The following UGT1A4 variants were observed in gnomAD, a reference collection of about 807,000 sequenced individuals.
UGT1A4 encodes the protein UDP glucuronosyltransferase family 1 member A4, also known as UDP-glucuronosyltransferase 1A4.
Under a neutral mutation model 41.1 loss-of-function variants are expected in UGT1A4, and 32 were observed. The ratio of observed to expected loss-of-function variants is 0.78; its 90% CI spans 0.59 to 1.05. UGT1A4 has a LOEUF of 1.05. UGT1A4 is among the 50% of genes least tolerant of loss of function. The pLI is 0.00. For missense variants in UGT1A4, 748 were observed against 677.4 expected (o/e 1.10, Z -1.16); for synonymous variants, 283 against 265.1 (o/e 1.07, Z -0.66).
Position 233,769,407 on chromosome 2 carries a change from G to C in UGT1A4, c.1307+968G>C. The C allele has an allele frequency of 7.8e-7, 1 of 1,286,632 alleles. No individual in the cohort carries two copies. The highest frequency in any genetic ancestry group is 1.1e-6 in the Non-Finnish European group (1 of 907,224). The allele number at this position is 1,286,632 out of a possible 1,614,324, so 79.7% of individuals were successfully genotyped here. ...ATAGATACTGTGTGCATATGTGCGT[G>C]TGCGTTTGTGCATGTGGCTGTGCTC... On this transcript the variant is annotated intron_variant, in intron 4 of 4. Transcript: ENST00000373409. The surrounding 1 kb of genome is among the most constrained non-coding windows in gnomAD (Gnocchi z 4.4).
At chr2:233,767,659 C>G (rs975874168) in intron 2 of UGT1A4, among the ~76,000 whole-genome samples, 190 bp from the exon 3 acceptor site, 4 of 152,186 alleles carry the variant, frequency 2.6e-5, no homozygotes, top group African/African-American at 9.7e-5. Context: ...TGCATACACC[C>G]TTGTAACTAA....
intron 1 of UGT1A4, among the ~76,000 whole-genome samples, chr2:233,754,123 T>C (rs1464588119): frequency 2.6e-5 from 4 of 152,360 alleles, no homozygotes; most frequent in Admixed American, 2.6e-4. Flanking sequence ...CGAGCATTTA[T>C]GTGCAATTAA....
At chr2:233,729,252 CA>C (rs761976281) in intron 1 of UGT1A4, 199 of 1,614,124 alleles carry the variant, frequency 1.2e-4, no homozygotes, top group Non-Finnish European at 1.6e-4. Context: ...GCCACTGGCT[CA>C]GCATGCGGGA....
intron 1 of UGT1A4, chr2:233,761,197 G>A (rs369591851): frequency 3.7e-6 from 6 of 1,613,996 alleles, no homozygotes; most frequent in Non-Finnish European, 5.1e-6. Flanking sequence ...TCTTTCAGAT[G>A]TATTACTTTG....
rs1312767733 is a variant in UGT1A4, at chr2:233,718,748, A to C, written c.-73A>C. 2.5e-6 allele frequency: 4 copies of C among 1,612,148 alleles called. No homozygotes were observed. In the African/African-American group the frequency reaches 5.3e-5, roughly 22 times the overall value. ...TGCTAGGTGGCTCAATGACAAGGTA[A>C]TTAAGGCGAAGGAAACAAATGTAGC... is the stretch of plus-strand genomic sequence containing the variant. On this transcript the variant is annotated 5_prime_UTR_variant, in exon 1 of 5. The change abolishes the stop of an existing upstream ORF in the 5' untranslated region. Coordinates refer to ENST00000373409, the MANE Select transcript of UGT1A4 (RefSeq NM_007120.3).
Position 233,748,090 on chromosome 2 carries a change from G to A in UGT1A4, c.868-18944G>A, listed in dbSNP as rs1277549661. 8.7e-6 allele frequency: 14 copies of A among 1,612,786 alleles called. No individual in the cohort carries two copies. The East Asian group carries it at 2.0e-4, about 23-fold the overall frequency. ...AAGCCACTATCTCAGGTCGGTGTTC[G>A]TGCCTTCATCCAATCAATGTTCCAG... On this transcript the variant is annotated intron_variant, in intron 1 of 4. Coordinates refer to ENST00000373409, the MANE Select transcript of UGT1A4 (RefSeq NM_007120.3).
At chr2:233,755,333 G>T (rs878855763) in intron 1 of UGT1A4, 4 of 455,148 alleles carry the variant, frequency 8.8e-6, no homozygotes, top group Admixed American at 7.1e-5. Context: ...CAGCACCCGC[G>T]CACAGGTCAG....
chr2:233,743,431 C>A lies in UGT1A4; in HGVS notation c.868-23603C>A, dbSNP rs755334550. 6 of 1,354,320 alleles carry A rather than the reference C, an allele frequency of 4.4e-6. No homozygotes were observed. In the East Asian group the frequency reaches 1.9e-4, roughly 42 times the overall value. The allele number at this position is 1,354,320 out of a possible 1,614,324, so 83.9% of individuals were successfully genotyped here. A position where few individuals can be genotyped will look rare whatever the true frequency, so the allele number is the denominator to read the frequency against. ...CCCACTTCCCAGGGAGCCAAAGGAA[C>A]GAAATCCTGTATCAAAAGAAGAAAA... On this transcript the variant is annotated intron_variant, in intron 1 of 4. Transcript: ENST00000373409.
rs149047303 is a variant in UGT1A4, at chr2:233,763,705, A to G, written c.868-3329A>G. Among the ~76,000 whole-genome samples, 745 of 152,324 alleles carry G rather than the reference A, an allele frequency of 4.9e-3. 10 individuals carry two copies. Among genetic ancestry groups the G allele is most frequent in the African/African-American group, 0.017 (698 of 41,584 alleles). ...AAGATAAAACTTTTATTGCACAAAG[A>G]AGTCCATAGAGAAAGCACAACCTGG... On this transcript the variant is annotated intron_variant, in intron 1 of 4. Coordinates refer to ENST00000373409, the MANE Select transcript of UGT1A4 (RefSeq NM_007120.3).
intron 1 of UGT1A4, 38 bp downstream of exon 1, chr2:233,719,725 C>A (rs766716310): frequency 3.7e-5 from 59 of 1,613,632 alleles, no homozygotes; most frequent in Non-Finnish European, 4.7e-5. Context: ...ATGTTCCAGG[C>A]AAAACACTTT....
intron 1 of UGT1A4, among the ~76,000 whole-genome samples, chr2:233,766,588 C>T (rs1357032158): frequency 3.3e-5 from 5 of 152,174 alleles, no homozygotes; most frequent in Non-Finnish European, 5.9e-5. Flanking sequence ...GGGTGGAGCC[C>T]TCGCCAGGGA....
intron 1 of UGT1A4, chr2:233,754,863 C>G (rs533816242): frequency 1.9e-5 from 25 of 1,351,158 alleles, no homozygotes; most frequent in Admixed American, 3.8e-5. Flanking sequence ...GGGTGCAGAC[C>G]CTCTGCTTCT....
In UGT1A4 at chr2:233,718,993, C is replaced by A. The variant is rs141408391; in HGVS notation, c.173C>A (p.Ala58Glu). 181 of 1,614,090 alleles carry A rather than the reference C, an allele frequency of 1.1e-4. 1 individual carries two copies. Among genetic ancestry groups the A allele is most frequent in the Non-Finnish European group, 1.5e-4 (178 of 1,180,054 alleles). Residue 58 changes from alanine to glutamate, a missense_variant, in exon 1 of 5, where the codon GCG becomes GAG. Transcript: ENST00000373409. ...GAGCTCCATGCCAGAGGCCACCAGGCGGTGGTCCTCACCCCAGAGGTGAAT... is the reference window on the plus strand; with the variant it reads ...GAGCTCCATGCCAGAGGCCACCAGGAGGTGGTCCTCACCCCAGAGGTGAAT... Reference protein sequence around the residue: ...LRELHARGHQAVVLTPEVNMH... With the variant: ...LRELHARGHQEVVLTPEVNMH...
At chr2:233,754,611 T>C (rs562553027) in intron 1 of UGT1A4, 1 of 437,308 alleles carries the variant, frequency 2.3e-6, no homozygotes, top group Non-Finnish European at 4.6e-6. Context: ...CAACTCTCCA[T>C]CTTCCTCCAC....
At chr2:233,721,820 A>T in intron 1 of UGT1A4, 1 of 516,484 alleles carries the variant, frequency 1.9e-6, no homozygotes, top group Admixed American at 1.9e-5. Context: ...CCAGCACCCT[A>T]TTTGGGCCAC....
intron 4 of UGT1A4, 143 bp downstream of exon 4, chr2:233,768,582 C>CTTT (rs139595073): frequency 4.4e-4 from 456 of 1,032,814 alleles, no homozygotes; most frequent in African/African-American, 3.3e-3. Flanking sequence ...TTTATTTCTT[C>CTTT]TTTTTTTTTT....
At chr2:233,772,116 AAAC>A (rs1252124628) in intron 4 of UGT1A4, 143 bp from the exon 5 acceptor site, 49 of 1,530,818 alleles carry the variant, frequency 3.2e-5, no homozygotes, top group Middle Eastern at 2.3e-4. Context: ...CTGTATCTAA[AAAC>A]AACAACAACA....
At chr2:233,748,806 A>C (rs981596738) in intron 1 of UGT1A4, among the ~76,000 whole-genome samples, 1 of 151,326 alleles carries the variant, frequency 6.6e-6, no homozygotes, top group Non-Finnish European at 1.5e-5. Flanking sequence ...AATTATCAAG[A>C]AATTGTGGAA....
Position 233,760,930 on chromosome 2 carries a change from A to G in UGT1A4, c.868-6104A>G, listed in dbSNP as rs144398951. 63 of 1,614,176 alleles carry G rather than the reference A, an allele frequency of 3.9e-5. 1 individual carries two copies. In the Middle Eastern group the frequency reaches 1.3e-3, roughly 34 times the overall value. On this transcript the variant is annotated intron_variant, in intron 1 of 4. Coordinates refer to ENST00000373409, the MANE Select transcript of UGT1A4 (RefSeq NM_007120.3). ...CCTGCAGCGGGTGAAGAACATGCTC[A>G]TTGCCTTTTCACAGAACTTTCTGTG...
Sources: allele counts gnomAD v4.1 joint callset (sites outside exome capture counted in the v4.1 genomes callset), GRCh38; gene constraint gnomAD v4.1.1; non-coding constraint Gnocchi (gnomAD v3.1); transcripts MANE v1.5; gene names NCBI Gene and HGNC (gene_info 2026-07-23, HGNC 2026-07-21).